The following PSMB3 variants were observed in gnomAD, a reference collection of about 807,000 sequenced individuals.
The protein encoded by PSMB3 is proteasome subunit beta type-3.
Under a neutral mutation model 23.3 loss-of-function variants are expected in PSMB3, and 5 were observed. The observed-to-expected ratio is 0.21, with a 90% CI of 0.11 to 0.45. The LOEUF is 0.45. PSMB3 is among the 20% of genes least tolerant of loss of function. The probability of loss-of-function intolerance (pLI) is 0.99; values close to 1 mark genes in which losing one functional copy is unlikely to be tolerated. For synonymous variants in PSMB3, 85 were observed against 99.8 expected (o/e 0.85, Z 0.88); for missense variants, 192 against 277.9 (o/e 0.69, Z 2.20).
intron 5 of PSMB3, among the ~76,000 whole-genome samples, chr17:38,763,506 T>C (rs1473695586): frequency 7.1e-6 from 1 of 139,928 alleles, no homozygotes; most frequent in Non-Finnish European, 1.6e-5. Context: ...CCTTTTTTTT[T>C]TTTTTTTTTT....
intron 5 of PSMB3, 92 bp from the exon 6 acceptor site, chr17:38,764,027 C>A: frequency 6.7e-7 from 1 of 1,493,562 alleles, no homozygotes. Context: ...TGCCGCAGGG[C>A]TTGAGGGCTT....
Position 38,753,350 on chromosome 17 carries a change from C to A in PSMB3, c.188+16C>A. 6.2e-7 allele frequency: 1 copy of A among 1,609,390 alleles called. No individual in the cohort carries two copies. The highest frequency in any genetic ancestry group is 8.5e-7 in the Non-Finnish European group (1 of 1,177,338). The stretch of plus-strand genomic sequence containing the variant: ...TCCAGACAGTGTAAGTTTCAAGGGT[C>A]CCCGCCCACACCCAGGCCTCTTCTT... On this transcript the variant is annotated intron_variant, in intron 2 of 5. Transcript: ENST00000619426.
chr17:38,761,209 G>A (rs570025324), intron 4 of PSMB3, among the ~76,000 whole-genome samples: 16 of 152,118 alleles, frequency 1.1e-4, no homozygotes, highest in South Asian at 2.1e-4. Flanking sequence ...TAAATTAGCC[G>A]GGCATGGTGG....
At position 38,755,933 on chromosome 17, in the gene PSMB3, G is replaced by A. The variant is rs779911980; in HGVS notation, c.239G>A (p.Arg80Gln). The change falls in exon 3 of 6, where the codon CGG (arginine) becomes CAG (glutamine). Residue 80 changes from arginine to glutamine, a missense_variant. Physicochemically the swap from Arg to Gln is conservative, Grantham distance 43. Coordinates refer to ENST00000619426, the MANE Select transcript of PSMB3 (RefSeq NM_002795.4). ...RLNLYELKEG[R>Q]QIKPYTLMSM... ...AACCTGTATGAGTTGAAGGAAGGTC[G>A]GCAGATCAAACCTTATACCCTCATG... 25 of 1,613,916 alleles carry A rather than the reference G, an allele frequency of 1.5e-5. No homozygotes were observed. The highest frequency in any genetic ancestry group is 1.9e-5 in the Non-Finnish European group (22 of 1,180,026).
In PSMB3 at chr17:38,760,532, C is replaced by T. The variant is rs1908391732; in HGVS notation, c.398C>T (p.Thr133Ile). The T allele has an allele frequency of 1.2e-6, 2 of 1,614,132 alleles. No individual in the cohort carries two copies. Among genetic ancestry groups the T allele is most frequent in the African/African-American group, 2.7e-5 (2 of 74,944 alleles). ...GACCTCATCGGCTGCCCCATGGTGA[C>T]TGATGACTTTGTGGTCAGTGGCACC... ...SLDLIGCPMV[T>I]DDFVVSGTCA... Residue 133 changes from threonine (T) to isoleucine (I), a missense_variant, in exon 4 of 6, where the codon ACT becomes ATT. Transcript: ENST00000619426.
At chr17:38,763,714 G>A (rs1908552818) in intron 5 of PSMB3, among the ~76,000 whole-genome samples, 1 of 151,984 alleles carries the variant, frequency 6.6e-6, no homozygotes, top group Non-Finnish European at 1.5e-5. Context: ...TGTTGGTCAG[G>A]CTGGTCTTGA....
chr17:38,763,533 A>C, intron 5 of PSMB3, among the ~76,000 whole-genome samples: 1 of 106,006 alleles, frequency 9.4e-6, no homozygotes, highest in African/African-American at 3.8e-5. Flanking sequence ...ATGGAGTCTC[A>C]TTCTGTCGCC....
intron 3 of PSMB3, among the ~76,000 whole-genome samples, chr17:38,757,781 G>T (rs1470806692): frequency 6.6e-6 from 1 of 152,112 alleles, no homozygotes; most frequent in Non-Finnish European, 1.5e-5. Context: ...TCAGCCTCCT[G>T]AGTAGCTGGG....
At chr17:38,757,751 G>A (rs567121428) in intron 3 of PSMB3, among the ~76,000 whole-genome samples, 138 of 152,318 alleles carry the variant, frequency 9.1e-4, no homozygotes, top group African/African-American at 3.2e-3. Context: ...GGTGGTGGAG[G>A]TTGCTGTGAG....
intron 5 of PSMB3, among the ~76,000 whole-genome samples, chr17:38,763,311 G>A (rs1399335522): frequency 2.6e-5 from 4 of 151,766 alleles, no homozygotes; most frequent in East Asian, 2.0e-4. Flanking sequence ...TCAAGATCAC[G>A]CCATTGCACT....
At chr17:38,763,996 C>A in intron 5 of PSMB3, 123 bp from the exon 6 acceptor site, 2 of 1,019,902 alleles carry the variant, frequency 2.0e-6, no homozygotes, top group African/African-American at 1.6e-5. Context: ...AGGCAGCGGG[C>A]AGCTATTTGT....
At position 38,752,897 on chromosome 17, in the gene PSMB3, T is replaced by G; in HGVS notation, c.3+68T>G. ...AGAAGCGGAGGGGGTCAGGAGAGGC[T>G]TGGGGACGAAAAGGGCCTAGGGTCG... On this transcript the variant is annotated intron_variant, in intron 1 of 5. Transcript: ENST00000619426. This position sits in a 1 kb window ranked among gnomAD's most constrained non-coding sequence, Gnocchi z 5.5. 2 of 1,602,946 alleles carry G rather than the reference T, an allele frequency of 1.2e-6. No individual in the cohort carries two copies. Among genetic ancestry groups the G allele is most frequent in the Non-Finnish European group, 1.7e-6 (2 of 1,172,682 alleles).
chr17:38,757,859 T>C (rs1908272153), intron 3 of PSMB3, among the ~76,000 whole-genome samples: 1 of 152,122 alleles, frequency 6.6e-6, no homozygotes, highest in African/African-American at 2.4e-5. Flanking sequence ...TTTCATCATG[T>C]TGGCCAGGCT....
chr17:38,755,978 T>C lies in PSMB3; in HGVS notation c.284T>C (p.Leu95Ser). The change falls in exon 3 of 6, where the codon TTG becomes TCG. Residue 95 changes from leucine (L) to serine (S), a missense_variant. Transcript: ENST00000619426. ...CTCATGAGCATGGTGGCCAACCTCT[T>C]GTATGAGAAACGGTGAGTGCAAGTG... is the stretch of plus-strand genomic sequence containing the variant. ...YTLMSMVANL[L>S]YEKRFGPYYT... The C allele has an allele frequency of 6.2e-7, 1 of 1,612,986 alleles. No homozygotes were observed. Among genetic ancestry groups the C allele is most frequent in the Non-Finnish European group, 8.5e-7 (1 of 1,178,948 alleles).
At chr17:38,759,749 G>A (rs1376797208) in intron 3 of PSMB3, among the ~76,000 whole-genome samples, 5 of 151,896 alleles carry the variant, frequency 3.3e-5, no homozygotes, top group East Asian at 1.9e-4. Context: ...GGGTTTCACC[G>A]TGTTAGCCAG....
intron 2 of PSMB3, among the ~76,000 whole-genome samples, chr17:38,755,665 T>A (rs1310610050): frequency 0.16 from 13,361 of 84,666 alleles, 992 homozygotes; most frequent in East Asian, 0.35. Context: ...AAAAAATATA[T>A]ATATATATAT....
chr17:38,752,933 G>A lies in PSMB3; in HGVS notation c.3+104G>A. The A allele has an allele frequency of 6.6e-7, 1 of 1,525,766 alleles. No homozygotes were observed. Among genetic ancestry groups the A allele is most frequent in the Non-Finnish European group, 9.0e-7 (1 of 1,116,492 alleles). The allele number at this position is 1,525,766 out of a possible 1,614,324, so 94.5% of individuals were successfully genotyped here. A position where few individuals can be genotyped will look rare whatever the true frequency, so the allele number is the denominator to read the frequency against. On this transcript the variant is annotated intron_variant, in intron 1 of 5. Coordinates refer to ENST00000619426, the MANE Select transcript of PSMB3 (RefSeq NM_002795.4). This position sits in a 1 kb window ranked among gnomAD's most constrained non-coding sequence, Gnocchi z 5.5. ...AAGGGCCTAGGGTCGATGGAAGGAA[G>A]CGGTTTCAGTTCGAGGGGAGCGGGC...
intron 3 of PSMB3, 123 bp from the exon 4 acceptor site, chr17:38,760,306 TCC>T: frequency 9.7e-7 from 1 of 1,030,278 alleles, no homozygotes; most frequent in Non-Finnish European, 1.4e-6. Context: ...AAGGTGATCT[TCC>T]TAAACAGGTC....
intron 4 of PSMB3, chr17:38,761,922 G>A (rs982118095): frequency 6.5e-6 from 1 of 153,914 alleles, no homozygotes; most frequent in African/African-American, 2.4e-5. Context: ...AGAAGCGAAG[G>A]ATGTAGAGAC....
Sources: allele counts gnomAD v4.1 joint callset (sites outside exome capture counted in the v4.1 genomes callset), GRCh38; gene constraint gnomAD v4.1.1; non-coding constraint Gnocchi (gnomAD v3.1); transcripts MANE v1.5; gene names NCBI Gene and HGNC (gene_info 2026-07-23, HGNC 2026-07-21).